NLRP9: variants seen among roughly 807,000 people sequenced by gnomAD.
The protein encoded by NLRP9 is NLR family pyrin domain containing 9.
A neutral mutation model predicts 83.1 loss-of-function variants in NLRP9; 88 were observed. The observed-to-expected ratio is 1.06, with a 90% CI of 0.89 to 1.26. NLRP9 has a LOEUF of 1.26. NLRP9 is among the 50% of genes most tolerant of loss of function. The pLI is 0.00. For synonymous variants in NLRP9, 521 were observed against 447.6 expected (o/e 1.16, Z -2.07); for missense variants, 1,308 against 1,179.3 (o/e 1.11, Z -1.60).
intron 1 of NLRP9, 32 bp from the exon 2 acceptor site, chr19:55,733,582 T>G: frequency 8.2e-7 from 1 of 1,214,982 alleles, no homozygotes. Flanking sequence ...ATAAGATAGG[T>G]AAAAATGCAC....
chr19:55,722,517 G>C (rs1402565675), intron 4 of NLRP9, among the ~76,000 whole-genome samples: 1 of 152,168 alleles, frequency 6.6e-6, no homozygotes, highest in African/African-American at 2.4e-5. Context: ...AGATGAATCT[G>C]TCAATTACAT....
chr19:55,735,129 T>C (rs939682400), intron 1 of NLRP9, among the ~76,000 whole-genome samples: 1 of 152,186 alleles, frequency 6.6e-6, no homozygotes, highest in Admixed American at 6.5e-5. Context: ...GTTCCACCGA[T>C]GGTCTGTGCT....
At chr19:55,714,203 G>T (rs1265540011) in intron 6 of NLRP9, among the ~76,000 whole-genome samples, 1 of 152,024 alleles carries the variant, frequency 6.6e-6, no homozygotes, top group Non-Finnish European at 1.5e-5. Context: ...CATTTATCAA[G>T]AGTGTATGAC....
At chr19:55,724,473 T>G (rs1171456679) in intron 3 of NLRP9, among the ~76,000 whole-genome samples, 1 of 152,210 alleles carries the variant, frequency 6.6e-6, no homozygotes, top group Non-Finnish European at 1.5e-5. Flanking sequence ...CCTCTTTGTA[T>G]TCTGAGATTA....
chr19:55,718,579 G>A (rs545207554), intron 4 of NLRP9, among the ~76,000 whole-genome samples: 127 of 152,296 alleles, frequency 8.3e-4, no homozygotes, highest in Non-Finnish European at 1.4e-3. Flanking sequence ...GTGCACATAC[G>A]GGCACAGTAC....
At position 55,719,037 on chromosome 19, in the gene NLRP9, C is replaced by T. The variant is rs150716915; in HGVS notation, c.2160-2139G>A. 2.4e-3 allele frequency among the ~76,000 whole-genome samples: 371 copies of T among 152,306 alleles called. 5 individuals carry two copies. The East Asian group carries it at 0.036, about 15-fold the overall frequency. The stretch of plus-strand genomic sequence containing the variant: ...AATTAGGTGAGAGTCAGATCCCACA[C>T]GGTAGGAGCTCAGTCCCACAAGATC... On this transcript the variant is annotated intron_variant, in intron 4 of 8. Coordinates refer to ENST00000332836, the MANE Select transcript of NLRP9 (RefSeq NM_176820.4).
At chr19:55,722,239 T>C (rs1988249566) in intron 4 of NLRP9, among the ~76,000 whole-genome samples, 1 of 152,228 alleles carries the variant, frequency 6.6e-6, no homozygotes, top group Non-Finnish European at 1.5e-5. Context: ...ATTGTAGATA[T>C]GTTCCCCAAT....
At chr19:55,723,727 CAAAAAAAAAAA>C (rs10711721) in intron 4 of NLRP9, among the ~76,000 whole-genome samples, 1 of 79,828 alleles carries the variant, frequency 1.3e-5, no homozygotes, top group Non-Finnish European at 2.5e-5. Context: ...GACCCTGTCT[CAAAAAAAAAAA>C]AAAAAAAAAA....
At position 55,723,957 on chromosome 19, in the gene NLRP9, C is replaced by A. The variant is rs372491507; in HGVS notation, c.2159+23G>T. 6 of 1,586,632 alleles carry A rather than the reference C, an allele frequency of 3.8e-6. No individual in the cohort carries two copies. The Middle Eastern group carries it at 5.0e-4, about 133-fold the overall frequency. ...GCCCACCTTGGAAAGAAACAGCACT[C>A]GGCATGAACAGCCCGGACTTACATC... On this transcript the variant is annotated intron_variant, in intron 4 of 8. Coordinates refer to ENST00000332836, the MANE Select transcript of NLRP9 (RefSeq NM_176820.4).
At chr19:55,728,605 A>C (rs897900000) in intron 3 of NLRP9, among the ~76,000 whole-genome samples, 8 of 152,126 alleles carry the variant, frequency 5.3e-5, no homozygotes, top group Admixed American at 6.6e-5. Context: ...AAAAACAAAC[A>C]AACAAAAAAG....
At chr19:55,724,800 C>T (rs912185493) in intron 3 of NLRP9, among the ~76,000 whole-genome samples, 4 of 152,060 alleles carry the variant, frequency 2.6e-5, no homozygotes, top group African/African-American at 9.7e-5. Flanking sequence ...GGCATGGTGA[C>T]TCACACCTGT....
chr19:55,729,493 T>C (rs1406501222), intron 3 of NLRP9, among the ~76,000 whole-genome samples: 1 of 152,168 alleles, frequency 6.6e-6, no homozygotes, highest in Non-Finnish European at 1.5e-5. Flanking sequence ...TTGTTTGGTT[T>C]TTTGTCCTTG....
intron 1 of NLRP9, among the ~76,000 whole-genome samples, chr19:55,736,104 A>G (rs1988777891): frequency 1.3e-5 from 2 of 151,868 alleles, no homozygotes; most frequent in Admixed American, 6.6e-5. Context: ...ATTCATAAGC[A>G]AGGTTATTTA....
In NLRP9 at chr19:55,732,193, G is replaced by C. The variant is rs376006152; in HGVS notation, c.1638C>G (p.Phe546Leu). 405 of 1,613,434 alleles carry C rather than the reference G, an allele frequency of 2.5e-4. No individual in the cohort carries two copies. The highest frequency in any genetic ancestry group is 3.3e-4 in the Non-Finnish European group (387 of 1,179,796). Residue 546 changes from phenylalanine to leucine, a missense_variant, in exon 2 of 9, where the codon TTC becomes TTG. Phe to Leu is a conservative substitution (Grantham distance 22, BLOSUM62 0). Transcript: ENST00000332836. The part of the protein sequence containing the change: ...DREAIAFQEL[F>L]IGLFETQEKE... ...TTTCCTGAGTTTCAAACAAACCAATGAATAGTTCCTGGAAAGCTATGGCTT... is the reference window on the plus strand; with the variant it reads ...TTTCCTGAGTTTCAAACAAACCAATCAATAGTTCCTGGAAAGCTATGGCTT...
chr19:55,735,055 G>A (rs1988749170), intron 1 of NLRP9, among the ~76,000 whole-genome samples: 6 of 152,154 alleles, frequency 3.9e-5, no homozygotes, highest in Admixed American at 3.9e-4. Flanking sequence ...TGAGTCTTGG[G>A]AAGGGACTGG....
At chr19:55,728,343 G>A (rs189442964) in intron 3 of NLRP9, among the ~76,000 whole-genome samples, 3 of 152,090 alleles carry the variant, frequency 2.0e-5, no homozygotes, top group African/African-American at 4.8e-5. Flanking sequence ...TTGGGAGGCC[G>A]AGGCGGGCGC....
At chr19:55,722,710 C>T (rs923402849) in intron 4 of NLRP9, among the ~76,000 whole-genome samples, 10 of 152,216 alleles carry the variant, frequency 6.6e-5, no homozygotes, top group South Asian at 2.1e-4. Context: ...ATGTTTACTG[C>T]GGCACTGTTC....
intron 3 of NLRP9, among the ~76,000 whole-genome samples, chr19:55,729,205 A>C (rs1988495761): frequency 6.6e-6 from 1 of 150,790 alleles, no homozygotes; most frequent in South Asian, 2.1e-4. Context: ...CTGGCCCTCC[A>C]ACTAGATTTC....
At chr19:55,728,736 C>T (rs1027630652) in intron 3 of NLRP9, among the ~76,000 whole-genome samples, 7 of 152,120 alleles carry the variant, frequency 4.6e-5, no homozygotes, top group Non-Finnish European at 8.8e-5. Flanking sequence ...ATAACTCTTA[C>T]CAAAAAGATG....
Sources: gnomAD v4.1 joint callset for allele counts (sites outside exome capture counted in the v4.1 genomes callset) on GRCh38, gnomAD v4.1.1 for gene constraint, MANE v1.5 for transcripts, NCBI Gene and HGNC (gene_info 2026-07-23, HGNC 2026-07-21) for gene names.